Variants in ROCK1 observed in about 807,000 individuals in gnomAD.
The protein encoded by ROCK1 is rho-associated protein kinase 1.
In ROCK1, 36 loss-of-function variants were observed where a neutral mutation model predicts 196.8. The ratio of observed to expected loss-of-function variants is 0.18; its 90% CI spans 0.14 to 0.24. The LOEUF is 0.24. Among genes scored for constraint, ROCK1 ranks in the 10% least tolerant of loss-of-function variants. The pLI, the probability that ROCK1 is intolerant of heterozygous loss-of-function variation, is 1.00. For missense variants in ROCK1, 920 were observed against 1,562.0 expected (o/e 0.59, Z 6.93); for synonymous variants, 443 against 515.9 (o/e 0.86, Z 1.91).
intron 10 of ROCK1, among the ~76,000 whole-genome samples, chr18:21,027,683 C>T (rs1276441070): frequency 6.6e-6 from 1 of 150,936 alleles, no homozygotes; most frequent in Non-Finnish European, 1.5e-5. Context: ...AGTTATTTGT[C>T]CAAGGTCACA....
chr18:20,981,348 C>T (rs1335115848), intron 21 of ROCK1, among the ~76,000 whole-genome samples: 2 of 151,752 alleles, frequency 1.3e-5, no homozygotes, highest in East Asian at 3.9e-4. Context: ...GAGCCAAGAT[C>T]GTGCCACTTG....
At chr18:21,035,460 G>A (rs1208747607) in intron 9 of ROCK1, among the ~76,000 whole-genome samples, 1 of 152,196 alleles carries the variant, frequency 6.6e-6, no homozygotes, top group African/African-American at 2.4e-5. Context: ...TGGAGTTTGA[G>A]ACTAGCCTGG....
intron 20 of ROCK1, among the ~76,000 whole-genome samples, chr18:20,983,138 T>TCTC (rs2035548151): frequency 2.6e-5 from 4 of 151,642 alleles, no homozygotes; most frequent in East Asian, 3.9e-4. Flanking sequence ...ACCATATTTT[T>TCTC]GGTAAATTTT....
intron 1 of ROCK1, among the ~76,000 whole-genome samples, chr18:21,086,467 A>C (rs931185699): frequency 6.6e-6 from 1 of 152,066 alleles, no homozygotes; most frequent in Non-Finnish European, 1.5e-5. Context: ...TTCTTATACA[A>C]ATTATCATAC....
intron 2 of ROCK1, among the ~76,000 whole-genome samples, chr18:21,058,904 A>G (rs1240139625): frequency 1.3e-5 from 2 of 152,184 alleles, no homozygotes; most frequent in Non-Finnish European, 1.5e-5. Flanking sequence ...AAATTATTTC[A>G]TGTCCAAATG....
intron 2 of ROCK1, among the ~76,000 whole-genome samples, chr18:21,062,261 A>G (rs1469421875): frequency 1.3e-5 from 2 of 152,176 alleles, no homozygotes; most frequent in African/African-American, 4.8e-5. Flanking sequence ...GTAATGCCAG[A>G]AAGTAAAGAA....
chr18:21,017,347 G>A (rs1278748429), intron 12 of ROCK1, among the ~76,000 whole-genome samples: 12 of 151,306 alleles, frequency 7.9e-5, no homozygotes, highest in East Asian at 2.0e-4. Context: ...GCCCGCCACC[G>A]CGCCCAGCTA....
chr18:21,073,682 C>T (rs1378754839), intron 1 of ROCK1, among the ~76,000 whole-genome samples: 1 of 151,978 alleles, frequency 6.6e-6, no homozygotes, highest in African/African-American at 2.4e-5. Context: ...GGAGAAACAC[C>T]ACCCCACCCT....
At chr18:21,084,115 C>T (rs2036505688) in intron 1 of ROCK1, among the ~76,000 whole-genome samples, 1 of 152,030 alleles carries the variant, frequency 6.6e-6, no homozygotes, top group Admixed American at 6.6e-5. Context: ...ATACCATATA[C>T]CAAAATTAAC....
At chr18:20,980,210 A>G (rs2035517849) in intron 21 of ROCK1, among the ~76,000 whole-genome samples, 2 of 152,168 alleles carry the variant, frequency 1.3e-5, no homozygotes, top group African/African-American at 4.8e-5. Context: ...CAAACTGGAA[A>G]TGACCCAGAC....
Position 20,967,817 on chromosome 18 carries a change from G to A in ROCK1, c.3127C>T (p.Gln1043Ter). 6.2e-7 allele frequency: 1 copy of A among 1,608,648 alleles called. No homozygotes were observed. ...ATCTGGTTGAATTTCTCTCTTTCTT[G>A]GTTGAGTTCCAGTTGCAGCTTTCGA... ...ENRKLQLELN[Q>*]EREKFNQMVV... The change falls in exon 26 of 33, where the codon CAA (glutamine) becomes TAA (stop). Residue 1043 changes from glutamine to a stop codon, truncating the protein, a stop_gained. Transcript: ENST00000399799. LOFTEE classifies it high-confidence loss of function.
chr18:20,972,006 A>C (rs551713749), intron 22 of ROCK1, among the ~76,000 whole-genome samples: 7 of 152,142 alleles, frequency 4.6e-5, no homozygotes, highest in African/African-American at 7.2e-5. Flanking sequence ...CTGGTGTTTT[A>C]GAAAGATCAT....
At chr18:20,974,383 A>G (rs1304223384) in intron 22 of ROCK1, among the ~76,000 whole-genome samples, 1 of 152,220 alleles carries the variant, frequency 6.6e-6, no homozygotes, top group African/African-American at 2.4e-5. Flanking sequence ...ACTATAATAC[A>G]GGGCTTCAGG....
chr18:21,011,057 A>G (rs1271050389), intron 13 of ROCK1, among the ~76,000 whole-genome samples: 1 of 152,064 alleles, frequency 6.6e-6, no homozygotes, highest in Non-Finnish European at 1.5e-5. Flanking sequence ...CAACTTGCCT[A>G]TATTGTTATA....
intron 21 of ROCK1, among the ~76,000 whole-genome samples, chr18:20,982,428 T>C (rs1226665860): frequency 2.0e-5 from 3 of 152,138 alleles, no homozygotes; most frequent in East Asian, 1.9e-4. Context: ...ATTTTTGTAT[T>C]TGTAGTAGAG....
chr18:21,004,553 A>G (rs1346598891), intron 16 of ROCK1, among the ~76,000 whole-genome samples: 1 of 152,224 alleles, frequency 6.6e-6, no homozygotes. Flanking sequence ...ACTTTTACTG[A>G]TATCTAAAAA....
chr18:20,983,872 T>C (rs1347025160), intron 20 of ROCK1, among the ~76,000 whole-genome samples: 1 of 152,202 alleles, frequency 6.6e-6, no homozygotes, highest in Non-Finnish European at 1.5e-5. Flanking sequence ...ACTTTTGATA[T>C]TAAACTTGTG....
rs748160439 is a variant in ROCK1, at chr18:20,967,043, G to A, written c.3226C>T (p.Leu1076Phe). 6 of 1,612,838 alleles carry A rather than the reference G, an allele frequency of 3.7e-6. No individual in the cohort carries two copies. Among genetic ancestry groups the A allele is most frequent in the Admixed American group, 1.7e-5 (1 of 59,976 alleles). ...LVEECAHRNE[L>F]QMQLASKESD... ...TCTTTGCTGGCCAACTGCATCTGAA[G>A]CTCATTCCTATGTGCACATTCTTCT... Residue 1076 changes from leucine to phenylalanine, a missense_variant, in exon 27 of 33, where the codon CTT (leucine) becomes TTT (phenylalanine). Around this residue, in one of 6 missense-constraint regions of ROCK1, gnomAD observed 116 missense variants for 204.2 expected, o/e 0.57. Transcript: ENST00000399799.
chr18:20,974,017 G>A lies in ROCK1; in HGVS notation c.2655-3504C>T, dbSNP rs527502893. On this transcript the variant is annotated intron_variant, in intron 22 of 32. Transcript: ENST00000399799. The stretch of plus-strand genomic sequence containing the variant: ...GATCTCCTGACCTCGTGATCCCCCC[G>A]CCTCAGCCTCCCAAAGTGCTGGGAT... 3.3e-5 allele frequency among the ~76,000 whole-genome samples: 5 copies of A among 151,976 alleles called. No individual in the cohort carries two copies. The East Asian group carries it at 7.8e-4, about 24-fold the overall frequency.
Sources: allele counts gnomAD v4.1 joint callset (sites outside exome capture counted in the v4.1 genomes callset), GRCh38; gene constraint gnomAD v4.1.1; regional missense constraint gnomAD v4.1.1; transcripts MANE v1.5; gene names NCBI Gene and HGNC (gene_info 2026-07-23, HGNC 2026-07-21).